The following SMG1 variants were observed in gnomAD, a reference collection of about 807,000 sequenced individuals.
SMG1 encodes serine/threonine-protein kinase SMG1.
In SMG1, 22 loss-of-function variants were observed where a neutral mutation model predicts 419.9. The ratio of observed to expected loss-of-function variants is 0.05; its 90% confidence interval spans 0.04 to 0.07. The LOEUF (loss-of-function observed/expected upper bound fraction) is 0.07, where lower values mean the gene tolerates loss of function less well. Ranked by LOEUF, SMG1 falls within the 10% of genes least tolerant of loss-of-function variation. The probability of loss-of-function intolerance (pLI) is 1.00; values close to 1 mark genes in which losing one functional copy is unlikely to be tolerated. For synonymous variants in SMG1, 1,538 were observed against 1,553.5 expected (o/e 0.99, Z 0.23); for missense variants, 3,185 against 4,342.0 (o/e 0.73, Z 7.49).
intron 1 of SMG1, among the ~76,000 whole-genome samples, chr16:18,919,580 C>T (rs1277531084): frequency 2.7e-5 from 4 of 149,478 alleles, no homozygotes; most frequent in East Asian, 2.0e-4. Flanking sequence ...GCCGAGATTG[C>T]GCCACTGCAC....
chr16:18,820,904 T>A (rs977239667), intron 55 of SMG1, among the ~76,000 whole-genome samples: 8 of 152,200 alleles, frequency 5.3e-5, no homozygotes, highest in African/African-American at 1.9e-4. Flanking sequence ...AAGATACACA[T>A]AACTTTCATT....
At chr16:18,834,516 C>T in intron 49 of SMG1, 78 bp from the exon 50 acceptor site, 11 of 1,351,026 alleles carry the variant, frequency 8.1e-6, no homozygotes, top group Non-Finnish European at 1.1e-5. Context: ...CAAGGCCATG[C>T]CTGTAATTCC....
chr16:18,884,834 C>T lies in SMG1; in HGVS notation c.1021+256G>A, dbSNP rs1026152594. ...CAGGGTATTGCCACTACAATATATT[C>T]TTACCATACACTTTCCTACCAGTAC... On this transcript the variant is annotated intron_variant, in intron 8 of 62. Coordinates refer to ENST00000446231, the MANE Select transcript of SMG1 (RefSeq NM_015092.5). 15 of 452,778 alleles carry T rather than the reference C, an allele frequency of 3.3e-5. No individual in the cohort carries two copies. The South Asian group carries it at 4.8e-4, about 14-fold the overall frequency. 28.0% of individuals were successfully genotyped at this position (452,778 alleles called of 1,614,324 possible). A position where few individuals can be genotyped will look rare whatever the true frequency, so the allele number is the denominator to read the frequency against.
intron 1 of SMG1, among the ~76,000 whole-genome samples, chr16:18,897,565 G>A (rs1048929985): frequency 3.3e-5 from 5 of 152,040 alleles, no homozygotes; most frequent in African/African-American, 1.2e-4. Context: ...AAAATAAAAG[G>A]TATCAGAAAT....
chr16:18,849,125 C>T (rs2034450003), intron 36 of SMG1, 92 bp downstream of exon 36: 3 of 388,688 alleles, frequency 7.7e-6, no homozygotes. Context: ...ACTCTAACAA[C>T]TCTGGAACAT....
chr16:18,846,174 G>A (rs1045453835), intron 38 of SMG1, among the ~76,000 whole-genome samples: 2 of 152,042 alleles, frequency 1.3e-5, no homozygotes, highest in African/African-American at 4.8e-5. Flanking sequence ...TCTTTTCAAT[G>A]AACTAAATGA....
intron 46 of SMG1, 122 bp from the exon 47 acceptor site, chr16:18,836,654 C>T (rs2033593163): frequency 1.0e-6 from 1 of 967,804 alleles, no homozygotes; most frequent in African/African-American, 1.6e-5. Flanking sequence ...CCTTGAGGGC[C>T]CTCCTCAAAT....
At chr16:18,900,420 T>A (rs1439606822) in intron 1 of SMG1, among the ~76,000 whole-genome samples, 1 of 152,162 alleles carries the variant, frequency 6.6e-6, no homozygotes, top group Non-Finnish European at 1.5e-5. Flanking sequence ...CAATCCACCA[T>A]GTGCTGGGGA....
intron 55 of SMG1, among the ~76,000 whole-genome samples, chr16:18,827,456 C>CTA (rs202137867): frequency 0.093 from 13,091 of 140,962 alleles, 679 homozygotes; most frequent in Middle Eastern, 0.18. Flanking sequence ...ATAAATATAC[C>CTA]TATATATATA....
intron 32 of SMG1, 27 bp from the exon 33 acceptor site, chr16:18,852,232 T>C: frequency 1.2e-6 from 2 of 1,608,768 alleles, no homozygotes; most frequent in African/African-American, 1.3e-5. Context: ...GTCATCAGTA[T>C]TTCAGCTACC....
intron 22 of SMG1, among the ~76,000 whole-genome samples, chr16:18,867,948 T>G (rs1409400362): frequency 6.6e-6 from 1 of 152,046 alleles, no homozygotes; most frequent in Non-Finnish European, 1.5e-5. Context: ...GACCTCATGA[T>G]CCGCCCACCT....
At chr16:18,871,082 T>C (rs946201391) in intron 16 of SMG1, among the ~76,000 whole-genome samples, 194 bp from the exon 17 acceptor site, 2 of 152,218 alleles carry the variant, frequency 1.3e-5, no homozygotes, top group African/African-American at 4.8e-5. Context: ...ACCCACGTAA[T>C]GTAACTGATG....
In SMG1 at chr16:18,834,348, T is replaced by C. The variant is rs766598758; in HGVS notation, c.8421A>G (p.Glu2807=). 14 of 1,612,936 alleles carry C rather than the reference T, an allele frequency of 8.7e-6. No individual in the cohort carries two copies. Among genetic ancestry groups the C allele is most frequent in the Admixed American group, 1.7e-5 (1 of 59,896 alleles). ...TGACGTTTCCGCTCATACTGCAGAG[T>C]TCCTCCAAGAACCAGGCTCCATCCC... The part of the protein sequence containing the change: ...TSRDGAWFLE[E]LCSMSGNVTC... The change falls in exon 50 of 63, where the codon GAA becomes GAG. Residue 2807 remains glutamate (E), a synonymous_variant. Coordinates refer to ENST00000446231, the MANE Select transcript of SMG1 (RefSeq NM_015092.5).
At chr16:18,842,592 A>C (rs1208306879) in intron 39 of SMG1, 138 bp from the exon 40 acceptor site, 3 of 757,102 alleles carry the variant, frequency 4.0e-6, no homozygotes, top group Admixed American at 5.3e-5. Context: ...TGGGAGGCCG[A>C]GGTAGGCAGA....
At chr16:18,920,099 AG>A (rs1232869437) in intron 1 of SMG1, among the ~76,000 whole-genome samples, 1 of 150,720 alleles carries the variant, frequency 6.6e-6, no homozygotes, top group East Asian at 2.0e-4. Flanking sequence ...TTAAAAAAAA[AG>A]GCCGGGTGCA....
intron 1 of SMG1, among the ~76,000 whole-genome samples, chr16:18,905,917 C>T (rs1370039094): frequency 6.6e-6 from 1 of 151,976 alleles, no homozygotes; most frequent in Non-Finnish European, 1.5e-5. Context: ...CGGCCCCTTC[C>T]TCACTTCTTT....
intron 39 of SMG1, among the ~76,000 whole-genome samples, chr16:18,843,781 C>T (rs992027595): frequency 6.6e-6 from 1 of 152,100 alleles, no homozygotes; most frequent in African/African-American, 2.4e-5. Context: ...CATCTGTAAA[C>T]AAAAACTATT....
rs149052583 is a variant in SMG1, at chr16:18,814,392, A to G, written c.10621+783T>C. 2.0e-3 allele frequency among the ~76,000 whole-genome samples: 298 copies of G among 151,004 alleles called. 1 individual carries two copies. Among genetic ancestry groups the G allele is most frequent in the Middle Eastern group, 0.017 (5 of 292 alleles). ...CGAGCACCTGTAATCCAAGCTACTC[A>G]GGAAGCTGAGGCAGGAGAATTGCTT... is the stretch of plus-strand genomic sequence containing the variant. On this transcript the variant is annotated intron_variant, in intron 60 of 62. Coordinates refer to ENST00000446231, the MANE Select transcript of SMG1 (RefSeq NM_015092.5).
At chr16:18,864,187 CTTTT>C (rs748193551) in intron 23 of SMG1, 43 bp from the exon 24 acceptor site, 3,489 of 590,840 alleles carry the variant, frequency 5.9e-3, no homozygotes, top group East Asian at 0.012. Context: ...TATCTACTTA[CTTTT>C]TTTTTTTTTT....
Sources: gnomAD v4.1 joint callset for allele counts (sites outside exome capture counted in the v4.1 genomes callset) on GRCh38, gnomAD v4.1.1 for gene constraint, MANE v1.5 for transcripts, NCBI Gene and HGNC (gene_info 2026-07-23, HGNC 2026-07-21) for gene names.